MYOM2: variants seen among roughly 807,000 people sequenced by gnomAD.
MYOM2 encodes the protein myomesin 2.
Under a neutral mutation model 187.6 loss-of-function variants are expected in MYOM2, and 254 were observed. That is an observed-to-expected ratio of 1.35 (90% CI 1.22 to 1.50). The LOEUF (loss-of-function observed/expected upper bound fraction) is 1.50, where lower values mean the gene tolerates loss of function less well. Ranked by LOEUF, MYOM2 falls within the 40% of genes most tolerant of loss-of-function variation. The pLI is 0.00. For missense variants in MYOM2, 2,796 were observed against 1,924.0 expected (o/e 1.45, Z -8.48); for synonymous variants, 981 against 753.8 (o/e 1.30, Z -4.94).
Position 2,085,338 on chromosome 8 carries a change from G to A in MYOM2, c.1592G>A (p.Trp531Ter). ...EISRNYVVLS[W>*]EPPTPRGKDP... Reference sequence around the variant, plus strand: ...AGCAGAAACTATGTCGTCCTCAGCTGGGAGCCACCCACTCCCCGTGGCAAG... The same window carrying A: ...AGCAGAAACTATGTCGTCCTCAGCTAGGAGCCACCCACTCCCCGTGGCAAG... The change falls in exon 14 of 37, where the codon TGG becomes TAG. Residue 531 changes from tryptophan (W) to a stop codon, truncating the protein, a stop_gained. Transcript: ENST00000262113. LOFTEE classifies it high-confidence loss of function. The A allele has an allele frequency of 6.2e-7, 1 of 1,614,074 alleles. No individual in the cohort carries two copies. Among genetic ancestry groups the A allele is most frequent in the Non-Finnish European group, 8.5e-7 (1 of 1,180,002 alleles).
intron 32 of MYOM2, among the ~76,000 whole-genome samples, chr8:2,137,445 C>G (rs1167894210): frequency 6.6e-6 from 1 of 151,964 alleles, no homozygotes; most frequent in African/African-American, 2.4e-5. Context: ...GGCAGGGAAG[C>G]AGGGTGGGGC....
chr8:2,086,908 G>C (rs1796111226), intron 14 of MYOM2, among the ~76,000 whole-genome samples: 1 of 152,064 alleles, frequency 6.6e-6, no homozygotes, highest in Non-Finnish European at 1.5e-5. Context: ...ACGCAGAAGG[G>C]TTAGACTCGC....
intron 24 of MYOM2, 84 bp downstream of exon 24, chr8:2,108,914 A>C: frequency 7.3e-7 from 1 of 1,376,566 alleles, no homozygotes; most frequent in Non-Finnish European, 1.0e-6. Context: ...TCTTGGAAGA[A>C]CAGCTTTGGG....
At chr8:2,074,017 G>T (rs917791342) in intron 10 of MYOM2, among the ~76,000 whole-genome samples, 1 of 152,112 alleles carries the variant, frequency 6.6e-6, no homozygotes, top group Non-Finnish European at 1.5e-5. Context: ...GGCCATGACA[G>T]CTGTCATCAC....
intron 1 of MYOM2, among the ~76,000 whole-genome samples, chr8:2,046,599 T>C (rs1365310179): frequency 6.6e-6 from 1 of 152,102 alleles, no homozygotes; most frequent in Non-Finnish European, 1.5e-5. Context: ...CAGCCCCCTG[T>C]TTTACAGCAG....
At chr8:2,072,307 G>GC in intron 8 of MYOM2, 38 bp from the exon 9 acceptor site, 1 of 1,583,290 alleles carries the variant, frequency 6.3e-7, no homozygotes, top group East Asian at 2.3e-5. Context: ...CATGCTCTCT[G>GC]CCCTTCGGCC....
chr8:2,071,608 C>T (rs1408714468), intron 8 of MYOM2, among the ~76,000 whole-genome samples: 3 of 152,204 alleles, frequency 2.0e-5, no homozygotes, highest in African/African-American at 7.2e-5. Context: ...TCTTCACACA[C>T]GATCAGGTTC....
At chr8:2,111,397 C>G (rs554460465) in intron 25 of MYOM2, among the ~76,000 whole-genome samples, 2 of 152,280 alleles carry the variant, frequency 1.3e-5, no homozygotes, top group South Asian at 4.1e-4. Context: ...AGCACAGCAG[C>G]TAAGAAAATG....
At chr8:2,072,714 G>A (rs1021311714) in intron 9 of MYOM2, among the ~76,000 whole-genome samples, 3 of 152,230 alleles carry the variant, frequency 2.0e-5, no homozygotes, top group Non-Finnish European at 2.9e-5. Flanking sequence ...GGGAGACCCC[G>A]AACCTAGAGC....
intron 15 of MYOM2, 145 bp downstream of exon 15, chr8:2,090,336 T>TCTCTCG: frequency 1.5e-6 from 1 of 676,808 alleles, no homozygotes; most frequent in African/African-American, 1.9e-5. Flanking sequence ...TTACGAGAGA[T>TCTCTCG]TAAGAGCTCT....
In MYOM2 at chr8:2,090,131, C is replaced by T. The variant is rs369474138; in HGVS notation, c.1768C>T (p.Arg590Trp). The T allele has an allele frequency of 1.3e-5, 21 of 1,613,966 alleles. No homozygotes were observed. The highest frequency in any genetic ancestry group is 2.2e-5 in the East Asian group (1 of 44,896). ...TGTGTTCCGAGTGCTGTCAGCAAAC[C>T]GGCATGGCCTGAGCGAACCTTCGGA... is the stretch of plus-strand genomic sequence containing the variant. Reference protein sequence around the residue: ...SYVFRVLSANRHGLSEPSEIT... With the variant: ...SYVFRVLSANWHGLSEPSEIT... Residue 590 changes from arginine to tryptophan, a missense_variant, in exon 15 of 37, where the codon CGG (arginine) becomes TGG (tryptophan). Arg to Trp is a moderately radical substitution (Grantham distance 101). Coordinates refer to ENST00000262113, the MANE Select transcript of MYOM2 (RefSeq NM_003970.4).
intron 8 of MYOM2, among the ~76,000 whole-genome samples, chr8:2,071,145 AT>A (rs1272377731): frequency 2.0e-5 from 3 of 150,240 alleles, no homozygotes; most frequent in South Asian, 2.1e-4. Flanking sequence ...TTTTTTCTTT[AT>A]TTTTTTATTT....
intron 27 of MYOM2, among the ~76,000 whole-genome samples, chr8:2,117,623 G>A (rs375297868): frequency 2.6e-5 from 4 of 152,086 alleles, no homozygotes; most frequent in Admixed American, 1.3e-4. Context: ...TCAGACGTAC[G>A]CTCCTACCAG....
At chr8:2,104,699 G>A (rs986660245) in intron 21 of MYOM2, among the ~76,000 whole-genome samples, 4 of 152,004 alleles carry the variant, frequency 2.6e-5, no homozygotes, top group South Asian at 2.1e-4. Flanking sequence ...TGGTGGCTCC[G>A]GCAGCTCTGG....
At chr8:2,080,469 G>T (rs1308740224) in intron 13 of MYOM2, among the ~76,000 whole-genome samples, 1 of 152,160 alleles carries the variant, frequency 6.6e-6, no homozygotes, top group Non-Finnish European at 1.5e-5. Flanking sequence ...TTCCCATGAG[G>T]GACATAAACT....
At chr8:2,120,698 T>TATATATATATATATA (rs1797420328) in intron 28 of MYOM2, among the ~76,000 whole-genome samples, 2 of 116,558 alleles carry the variant, frequency 1.7e-5, no homozygotes, top group African/African-American at 6.7e-5. Context: ...AAATATATAA[T>TATATATATATATATA]ATATATATTT....
chr8:2,094,935 C>T (rs968311271), intron 17 of MYOM2, among the ~76,000 whole-genome samples: 3 of 152,150 alleles, frequency 2.0e-5, no homozygotes. Flanking sequence ...TCTGTTTTCT[C>T]ATGAAATGCA....
chr8:2,111,031 A>G (rs1797053167), intron 25 of MYOM2, among the ~76,000 whole-genome samples: 2 of 152,218 alleles, frequency 1.3e-5, no homozygotes, highest in Non-Finnish European at 2.9e-5. Context: ...TGATCCAGGT[A>G]ATTGGAGAAA....
Position 2,078,731 on chromosome 8 carries a change from A to G in MYOM2, c.1263-3A>G. ...CTGTTGTTTTTCTTTTTTTAACTTG[A>G]AGATGTGAAGTAGGAACGAATAATT... is the stretch of plus-strand genomic sequence containing the variant. On this transcript the variant is annotated splice_polypyrimidine_tract_variant and splice_region_variant and intron_variant, in intron 11 of 36. Transcript: ENST00000262113. The G allele has an allele frequency of 6.2e-7, 1 of 1,613,908 alleles. No homozygotes were observed. The highest frequency in any genetic ancestry group is 8.5e-7 in the Non-Finnish European group (1 of 1,179,932).
Sources: allele counts gnomAD v4.1 joint callset (sites outside exome capture counted in the v4.1 genomes callset), GRCh38; gene constraint gnomAD v4.1.1; transcripts MANE v1.5; gene names NCBI Gene and HGNC (gene_info 2026-07-23, HGNC 2026-07-21).